ANKRD6: variants seen among roughly 807,000 people sequenced by gnomAD.
The protein encoded by ANKRD6 is ankyrin repeat domain 6, also known as ankyrin repeat domain-containing protein 6.
A neutral mutation model predicts 82.3 loss-of-function variants in ANKRD6; 56 were observed. That is an observed-to-expected ratio of 0.68 (90% CI 0.55 to 0.85). The LOEUF is 0.85. ANKRD6 is among the 40% of genes least tolerant of loss of function. ANKRD6 has a pLI of 0.00. For missense variants in ANKRD6, 852 were observed against 907.6 expected (o/e 0.94, Z 0.79); for synonymous variants, 347 against 352.1 (o/e 0.99, Z 0.16).
chr6:89,594,672 G>T (rs758783463), intron 2 of ANKRD6, among the ~76,000 whole-genome samples: 16 of 152,124 alleles, frequency 1.1e-4, no homozygotes, highest in Non-Finnish European at 2.4e-4. Flanking sequence ...ATGGTTGGTG[G>T]TTATGTGAAG....
intron 2 of ANKRD6, among the ~76,000 whole-genome samples, chr6:89,579,436 T>C (rs1053634053): frequency 1.3e-5 from 2 of 152,124 alleles, no homozygotes; most frequent in African/African-American, 4.8e-5. Flanking sequence ...GTATCCTACC[T>C]GAAAAGTGAG....
intron 1 of ANKRD6, among the ~76,000 whole-genome samples, chr6:89,486,247 G>A (rs1345815691): frequency 6.6e-6 from 1 of 152,152 alleles, no homozygotes; most frequent in Non-Finnish European, 1.5e-5. Flanking sequence ...AACCTGATGT[G>A]TGGCACTTGA....
chr6:89,495,538 T>G (rs1274135880), intron 1 of ANKRD6, among the ~76,000 whole-genome samples: 1 of 152,132 alleles, frequency 6.6e-6, no homozygotes, highest in Non-Finnish European at 1.5e-5. Context: ...ACTATATAAA[T>G]GGAATCAACT....
In ANKRD6 at chr6:89,536,712, A is replaced by G. The variant is rs577625124; in HGVS notation, c.-143-30122A>G. Among the ~76,000 whole-genome samples, 13 of 152,328 alleles carry G rather than the reference A, an allele frequency of 8.5e-5. No individual in the cohort carries two copies. In the South Asian group the frequency reaches 2.7e-3, roughly 32 times the overall value. ...GAAGAGCAAACTGAATGCTCTTCATATTATCTAGGGAGAACTTTGCAAAGC... is the reference window on the plus strand; with the variant it reads ...GAAGAGCAAACTGAATGCTCTTCATGTTATCTAGGGAGAACTTTGCAAAGC... On this transcript the variant is annotated intron_variant, in intron 1 of 15. Coordinates refer to ENST00000339746, the MANE Select transcript of ANKRD6 (RefSeq NM_001242809.2).
In ANKRD6 at chr6:89,538,492, A is replaced by T. The variant is rs547214482; in HGVS notation, c.-143-28342A>T. ...AATACAGGAAAGCATTCTAGAGTACAGAGCGGAAGAAGCATGCACCATAAT... is the reference window on the plus strand; with the variant it reads ...AATACAGGAAAGCATTCTAGAGTACTGAGCGGAAGAAGCATGCACCATAAT... On this transcript the variant is annotated intron_variant, in intron 1 of 15. Transcript: ENST00000339746. Among the ~76,000 whole-genome samples, 7 of 152,356 alleles carry T rather than the reference A, an allele frequency of 4.6e-5. No individual in the cohort carries two copies. In the South Asian group the frequency reaches 1.4e-3, roughly 32 times the overall value.
chr6:89,481,035 TA>T (rs2127808123), intron 1 of ANKRD6, among the ~76,000 whole-genome samples: 1 of 151,692 alleles, frequency 6.6e-6, no homozygotes, highest in Non-Finnish European at 1.5e-5. Flanking sequence ...AAGTATCCCA[TA>T]ATCCTACCCC....
chr6:89,625,927 G>T (rs981322067), intron 13 of ANKRD6, among the ~76,000 whole-genome samples: 1 of 151,936 alleles, frequency 6.6e-6, no homozygotes, highest in African/African-American at 2.4e-5. Context: ...TAGAGACGGG[G>T]TTTCACCACG....
intron 1 of ANKRD6, among the ~76,000 whole-genome samples, chr6:89,533,676 C>T (rs1309981744): frequency 6.6e-6 from 1 of 151,870 alleles, no homozygotes; most frequent in Non-Finnish European, 1.5e-5. Context: ...TTTACAGGTG[C>T]TCCTTTGCCT....
At chr6:89,511,502 C>T (rs1780546807) in intron 1 of ANKRD6, among the ~76,000 whole-genome samples, 1 of 152,242 alleles carries the variant, frequency 6.6e-6, no homozygotes, top group Non-Finnish European at 1.5e-5. Flanking sequence ...GGGTCAGGCA[C>T]TCTGAAGCTT....
chr6:89,629,012 A>C, intron 14 of ANKRD6, 100 bp from the exon 15 acceptor site: 1 of 1,342,236 alleles, frequency 7.5e-7, no homozygotes, highest in Non-Finnish European at 1.0e-6. Context: ...AACTGTTATA[A>C]TTGAAAAGTC....
chr6:89,444,094 G>C (rs910191300), intron 1 of ANKRD6, among the ~76,000 whole-genome samples: 1 of 152,168 alleles, frequency 6.6e-6, no homozygotes, highest in African/African-American at 2.4e-5. Flanking sequence ...TAAAAATCAA[G>C]GTAAAAGTTA....
chr6:89,616,640 A>C lies in ANKRD6; in HGVS notation c.697A>C (p.Thr233Pro). The C allele has an allele frequency of 6.2e-7, 1 of 1,614,066 alleles. No homozygotes were observed. Among genetic ancestry groups the C allele is most frequent in the African/African-American group, 1.3e-5 (1 of 75,084 alleles). Residue 233 changes from threonine to proline, a missense_variant, in exon 8 of 16, where the codon ACG (threonine) becomes CCG (proline). Coordinates refer to ENST00000339746, the MANE Select transcript of ANKRD6 (RefSeq NM_001242809.2). ...AATCTTACTGGAAGCCGGAGCAGAT[A>C]CGACCATTGTTAACAATGTAAGTTG... ...AKILLEAGAD[T>P]TIVNNAGQTP...
intron 1 of ANKRD6, chr6:89,478,513 A>G (rs567696786): frequency 6.6e-6 from 1 of 152,178 alleles, no homozygotes; most frequent in East Asian, 1.9e-4. Flanking sequence ...CGGGCGGATC[A>G]CCTGAGGTCA....
chr6:89,477,071 A>T lies in ANKRD6; in HGVS notation c.-144+43696A>T, dbSNP rs780450367. Among the ~76,000 whole-genome samples, 54 of 152,208 alleles carry T rather than the reference A, an allele frequency of 3.5e-4. 1 individual carries two copies. Among genetic ancestry groups the T allele is most frequent in the Non-Finnish European group, 7.1e-4 (48 of 68,016 alleles). ...GCCATTCTCCTGCCTCAGCCTCCCA[A>T]GTAGCTGGGACTACAGGCACCCCCT... On this transcript the variant is annotated intron_variant, in intron 1 of 15. Transcript: ENST00000339746.
At chr6:89,443,749 C>T (rs1027354173) in intron 1 of ANKRD6, among the ~76,000 whole-genome samples, 30 of 152,208 alleles carry the variant, frequency 2.0e-4, no homozygotes, top group Admixed American at 1.3e-4. Flanking sequence ...AAAATTGTTT[C>T]GTAGCTCTAG....
At chr6:89,462,111 AATTCCAGCT>A (rs1774222204) in intron 1 of ANKRD6, among the ~76,000 whole-genome samples, 3 of 151,730 alleles carry the variant, frequency 2.0e-5, no homozygotes, top group Non-Finnish European at 4.4e-5. Flanking sequence ...GCATGCCTGT[AATTCCAGCT>A]ACTCAGGGGG....
At chr6:89,618,238 T>G in intron 9 of ANKRD6, 1 of 697,798 alleles carries the variant, frequency 1.4e-6, no homozygotes, top group Non-Finnish European at 2.6e-6. Context: ...CTGGGCCGCC[T>G]CATCTTCTCC....
chr6:89,454,242 T>C (rs854863), intron 1 of ANKRD6, among the ~76,000 whole-genome samples: 4 of 152,140 alleles, frequency 2.6e-5, no homozygotes, highest in Non-Finnish European at 4.4e-5. Flanking sequence ...ATGGTGGTGA[T>C]GCTGACATTC....
intron 3 of ANKRD6, among the ~76,000 whole-genome samples, chr6:89,601,332 T>A (rs1797106667): frequency 6.6e-6 from 1 of 152,106 alleles, no homozygotes; most frequent in Admixed American, 6.5e-5. Flanking sequence ...AGGACAGTGA[T>A]CTGTCCTCAG....
Sources: allele counts gnomAD v4.1 joint callset (sites outside exome capture counted in the v4.1 genomes callset), GRCh38; gene constraint gnomAD v4.1.1; transcripts MANE v1.5; gene names NCBI Gene and HGNC (gene_info 2026-07-23, HGNC 2026-07-21).